The following GALNTL6 variants were observed in gnomAD, a reference collection of about 807,000 sequenced individuals.
GALNTL6 encodes the protein polypeptide N-acetylgalactosaminyltransferase-like 6.
GALNTL6 carries 46 observed loss-of-function variants against 73.7 expected under a neutral mutation model. The observed-to-expected ratio is 0.62, with a 90% CI of 0.49 to 0.80. The LOEUF (loss-of-function observed/expected upper bound fraction) is 0.80. Ranked by LOEUF, GALNTL6 falls within the 30% of genes least tolerant of loss-of-function variation. GALNTL6 has a pLI of 0.00. For missense variants in GALNTL6, 604 were observed against 755.0 expected (o/e 0.80, Z 2.34); for synonymous variants, 259 against 263.7 (o/e 0.98, Z 0.17).
intron 9 of GALNTL6, among the ~76,000 whole-genome samples, chr4:172,950,236 G>A (rs940245561): frequency 7.2e-5 from 11 of 152,196 alleles, no homozygotes; most frequent in Non-Finnish European, 8.8e-5. Context: ...GTAAACTGGA[G>A]TCCAAGGAGT....
At chr4:172,243,413 C>A (rs1421647344) in intron 3 of GALNTL6, among the ~76,000 whole-genome samples, 5 of 152,232 alleles carry the variant, frequency 3.3e-5, no homozygotes, top group Non-Finnish European at 7.4e-5. Flanking sequence ...TATTTACGTT[C>A]AATGAGTTAA....
intron 3 of GALNTL6, among the ~76,000 whole-genome samples, chr4:172,244,952 C>T (rs1202034144): frequency 1.3e-5 from 2 of 152,156 alleles, no homozygotes; most frequent in African/African-American, 2.4e-5. Flanking sequence ...TGTAAATGCC[C>T]CACATTTGTG....
At chr4:172,543,992 T>C (rs1056727198) in intron 5 of GALNTL6, among the ~76,000 whole-genome samples, 3 of 152,172 alleles carry the variant, frequency 2.0e-5, no homozygotes, top group Non-Finnish European at 4.4e-5. Context: ...TTTGTACCCA[T>C]TATGATGCAA....
At position 172,830,029 on chromosome 4, in the gene GALNTL6, C is replaced by A. The variant is rs1742535660; in HGVS notation, c.923+16306C>A. ...GTATTCAAATAAATTCCACCGAAAG[C>A]CTATTTTTCTCATCTGAGGTCACAC... On this transcript the variant is annotated intron_variant, in intron 7 of 12. Coordinates refer to ENST00000506823, the MANE Select transcript of GALNTL6 (RefSeq NM_001034845.3). Among the ~76,000 whole-genome samples, 3 of 152,106 alleles carry A rather than the reference C, an allele frequency of 2.0e-5. No homozygotes were observed. In the South Asian group the frequency reaches 6.2e-4, roughly 32 times the overall value.
At chr4:172,475,716 G>T (rs549790599) in intron 5 of GALNTL6, among the ~76,000 whole-genome samples, 1 of 152,200 alleles carries the variant, frequency 6.6e-6, no homozygotes, top group African/African-American at 2.4e-5. Context: ...ATTTAGAGAA[G>T]TTTAGAATAC....
At chr4:172,256,216 A>T (rs1339966770) in intron 3 of GALNTL6, among the ~76,000 whole-genome samples, 2 of 151,346 alleles carry the variant, frequency 1.3e-5, no homozygotes, top group Admixed American at 1.3e-4. Flanking sequence ...TTCGCCTGTA[A>T]ATCCAATCCA....
intron 7 of GALNTL6, among the ~76,000 whole-genome samples, chr4:172,839,910 A>G (rs561245900): frequency 6.6e-6 from 1 of 152,346 alleles, no homozygotes; most frequent in South Asian, 2.1e-4. Flanking sequence ...GCAATTTTTC[A>G]GGAAGATTTT....
chr4:172,625,182 T>C, intron 5 of GALNTL6, among the ~76,000 whole-genome samples: 1 of 151,990 alleles, frequency 6.6e-6, no homozygotes, highest in Non-Finnish European at 1.5e-5. Context: ...CTCTATATAT[T>C]TCTTATATTG....
chr4:172,226,557 CTGTGTG>C lies in GALNTL6; in HGVS notation c.139-3081_139-3076del, dbSNP rs34352455. Among the ~76,000 whole-genome samples the C allele has an allele frequency of 8.2e-5, 12 of 146,598 alleles. No individual in the cohort carries two copies. In the East Asian group the frequency reaches 1.0e-3, roughly 12 times the overall value. On this transcript the variant is annotated intron_variant, in intron 2 of 12. Coordinates refer to ENST00000506823, the MANE Select transcript of GALNTL6 (RefSeq NM_001034845.3). ...ATATTTTTTTTAAAGGAAAGAAGTT[CTGTGTG>C]TGTGTGTGTGTGTGTGTCTGTGTGT...
chr4:172,404,066 T>A (rs1049642483), intron 5 of GALNTL6, among the ~76,000 whole-genome samples: 1 of 151,922 alleles, frequency 6.6e-6, no homozygotes, highest in Admixed American at 6.6e-5. Context: ...ATCTGGATGA[T>A]CTTTCATTTA....
At chr4:172,502,059 G>A (rs767382695) in intron 5 of GALNTL6, among the ~76,000 whole-genome samples, 4 of 152,048 alleles carry the variant, frequency 2.6e-5, no homozygotes, top group Non-Finnish European at 4.4e-5. Context: ...GTTTGTTAGC[G>A]ACCACAAATA....
intron 2 of GALNTL6, among the ~76,000 whole-genome samples, chr4:172,093,690 C>A (rs1732271743): frequency 6.6e-6 from 1 of 152,172 alleles, no homozygotes; most frequent in Non-Finnish European, 1.5e-5. Context: ...CTCATGGGAG[C>A]ATGAAACCTA....
intron 2 of GALNTL6, among the ~76,000 whole-genome samples, chr4:171,831,032 C>T (rs1734956596): frequency 6.6e-6 from 1 of 152,070 alleles, no homozygotes; most frequent in Non-Finnish European, 1.5e-5. Flanking sequence ...TGAAGCAGCA[C>T]ACTTCATTAA....
At chr4:172,954,010 G>A (rs1266901192) in intron 10 of GALNTL6, among the ~76,000 whole-genome samples, 1 of 152,118 alleles carries the variant, frequency 6.6e-6, no homozygotes, top group Non-Finnish European at 1.5e-5. Flanking sequence ...ATAAGGTTCT[G>A]TTTGTCATCT....
chr4:172,855,663 A>C lies in GALNTL6; in HGVS notation c.924-27127A>C, dbSNP rs572781656. 2.0e-5 allele frequency among the ~76,000 whole-genome samples: 3 copies of C among 152,254 alleles called. No individual in the cohort carries two copies. The South Asian group carries it at 6.2e-4, about 32-fold the overall frequency. ...TTCCCTCAAGAGTTTTCAGCCCTTG[A>C]GTATTTGCTTTTTAAAAGACTGGAT... On this transcript the variant is annotated intron_variant, in intron 7 of 12. Coordinates refer to ENST00000506823, the MANE Select transcript of GALNTL6 (RefSeq NM_001034845.3).
At chr4:172,059,700 G>A (rs6843702) in intron 2 of GALNTL6, among the ~76,000 whole-genome samples, 116,568 of 152,068 alleles carry the variant, frequency 0.77, 45,140 homozygotes, top group South Asian at 0.84. Flanking sequence ...AATGTCAGGA[G>A]TCAGGTTATA....
chr4:172,179,303 C>T lies in GALNTL6; in HGVS notation c.139-50353C>T, dbSNP rs533472859. 9.6e-3 allele frequency among the ~76,000 whole-genome samples: 1,458 copies of T among 151,408 alleles called. 32 individuals carry two copies. The highest frequency in any genetic ancestry group is 0.034 in the African/African-American group (1,393 of 40,912). On this transcript the variant is annotated intron_variant, in intron 2 of 12. Transcript: ENST00000506823. ...TAAAAGTATTCCTATTTCTCCACATCCTCTCCAGCACCTGTTGTTTCCTGA... is the reference window on the plus strand; with the variant it reads ...TAAAAGTATTCCTATTTCTCCACATTCTCTCCAGCACCTGTTGTTTCCTGA...
chr4:172,684,856 G>A (rs1356930283), intron 5 of GALNTL6, among the ~76,000 whole-genome samples: 1 of 152,026 alleles, frequency 6.6e-6, no homozygotes, highest in East Asian at 1.9e-4. Context: ...CATTCCTCAA[G>A]CTCTCCATTT....
chr4:171,836,935 G>A (rs1414485153), intron 2 of GALNTL6, among the ~76,000 whole-genome samples: 1 of 152,144 alleles, frequency 6.6e-6, no homozygotes, highest in Non-Finnish European at 1.5e-5. Context: ...AGAAATCAAT[G>A]TGCATTCATG....
Sources: allele counts gnomAD v4.1 joint callset (sites outside exome capture counted in the v4.1 genomes callset), GRCh38; gene constraint gnomAD v4.1.1; transcripts MANE v1.5; gene names NCBI Gene and HGNC (gene_info 2026-07-23, HGNC 2026-07-21).